ABCC9: variants seen among roughly 807,000 people sequenced by gnomAD.
ABCC9 encodes ATP-binding cassette sub-family C member 9.
Under a neutral mutation model 188.3 loss-of-function variants are expected in ABCC9, and 95 were observed. That is an observed-to-expected ratio of 0.50 (90% CI 0.43 to 0.60). The LOEUF (loss-of-function observed/expected upper bound fraction) is 0.60. Ranked by LOEUF, ABCC9 falls within the 20% of genes least tolerant of loss-of-function variation. The pLI, the probability that ABCC9 is intolerant of heterozygous loss-of-function variation, is 0.00. For missense variants in ABCC9, 1,102 were observed against 1,876.3 expected (o/e 0.59, Z 7.62); for synonymous variants, 659 against 652.7 (o/e 1.01, Z -0.15).
intron 22 of ABCC9, among the ~76,000 whole-genome samples, chr12:21,854,285 CTATT>C (rs1260098117): frequency 6.6e-5 from 10 of 152,152 alleles, no homozygotes; most frequent in Non-Finnish European, 1.3e-4. Flanking sequence ...AACTTTCCAT[CTATT>C]TGTCTGCATA....
At position 21,875,727 on chromosome 12, in the gene ABCC9, C is replaced by G; in HGVS notation, c.2020-1G>C. ...CCCATGAAAAGTATCCATTTGTGAC[C>G]TACAAAATAAAAATACAGAAATTAA... On this transcript the variant is annotated splice_acceptor_variant, in intron 16 of 39. Transcript: ENST00000261200. LOFTEE classifies it high-confidence loss of function. 1 of 1,604,150 alleles carries G rather than the reference C, an allele frequency of 6.2e-7. No homozygotes were observed. The highest frequency in any genetic ancestry group is 2.2e-5 in the East Asian group (1 of 44,790).
At chr12:21,812,793 A>G (rs1942341113) in intron 35 of ABCC9, among the ~76,000 whole-genome samples, 1 of 152,132 alleles carries the variant, frequency 6.6e-6, no homozygotes, top group Non-Finnish European at 1.5e-5. Flanking sequence ...GCACATGTAT[A>G]CCTATGTAAC....
chr12:21,810,648 C>A (rs1350022086), intron 36 of ABCC9, among the ~76,000 whole-genome samples: 4 of 152,108 alleles, frequency 2.6e-5, no homozygotes, highest in Non-Finnish European at 5.9e-5. Context: ...CCCCATGATT[C>A]AATTACCTCC....
chr12:21,932,215 T>C (rs1041972550), intron 4 of ABCC9, among the ~76,000 whole-genome samples: 1 of 152,116 alleles, frequency 6.6e-6, no homozygotes. Flanking sequence ...TTCAAGTTTA[T>C]AAATATAATT....
At chr12:21,869,526 C>T (rs540543165) in intron 18 of ABCC9, 1 of 152,264 alleles carries the variant, frequency 6.6e-6, no homozygotes, top group East Asian at 1.9e-4. Context: ...TCCCACTGAA[C>T]TTAGAACAAA....
intron 25 of ABCC9, among the ~76,000 whole-genome samples, chr12:21,847,250 T>C (rs1234792149): frequency 6.6e-6 from 1 of 152,168 alleles, no homozygotes; most frequent in African/African-American, 2.4e-5. Context: ...TCCACTCTTA[T>C]AGCCCATTAG....
intron 5 of ABCC9, among the ~76,000 whole-genome samples, chr12:21,922,750 T>G (rs78936955): frequency 7.7e-6 from 1 of 130,672 alleles, no homozygotes; most frequent in Admixed American, 7.5e-5. Context: ...TTTTTTTTTT[T>G]CTTTTTTTTT....
chr12:21,895,168 G>A (rs1947341058), intron 13 of ABCC9, 107 bp downstream of exon 13: 18 of 967,938 alleles, frequency 1.9e-5, no homozygotes, highest in Non-Finnish European at 2.9e-5. Flanking sequence ...ATAGAGAGAA[G>A]TCACAGAGGT....
chr12:21,886,017 A>G (rs1023788237), intron 15 of ABCC9, among the ~76,000 whole-genome samples: 8 of 152,146 alleles, frequency 5.3e-5, no homozygotes, highest in South Asian at 4.2e-4. Flanking sequence ...AACAATTATA[A>G]CTAACATTAA....
Position 21,883,473 on chromosome 12 carries a change from G to A in ABCC9, c.1912-600C>T, listed in dbSNP as rs558483841. 2.8e-3 allele frequency among the ~76,000 whole-genome samples: 428 copies of A among 152,246 alleles called. 1 individual carries two copies. Among genetic ancestry groups the A allele is most frequent in the Non-Finnish European group, 3.5e-3 (237 of 68,008 alleles). On this transcript the variant is annotated intron_variant, in intron 15 of 39. Transcript: ENST00000261200. ...CTTTGCCTTCCACCATGTTTGTGAG[G>A]CCTCCCCAGCCATGTGGAACTGTGA... is the stretch of plus-strand genomic sequence containing the variant.
Position 21,821,949 on chromosome 12 carries a change from C to T in ABCC9, c.3670-3698G>A, listed in dbSNP as rs73253088. Among the ~76,000 whole-genome samples, 298 of 152,100 alleles carry T rather than the reference C, an allele frequency of 2.0e-3. 1 individual carries two copies. Among genetic ancestry groups the T allele is most frequent in the Non-Finnish European group, 3.5e-3 (241 of 67,988 alleles). On this transcript the variant is annotated intron_variant, in intron 31 of 39. Coordinates refer to ENST00000261200, the MANE Select transcript of ABCC9 (RefSeq NM_020297.4). ...ACTTGTATAATTTTCAATATGATCA[C>T]TAGATATTATTAGTTATTAGGCCAG...
chr12:21,884,264 G>C (rs1472305923), intron 15 of ABCC9, among the ~76,000 whole-genome samples: 1 of 151,922 alleles, frequency 6.6e-6, no homozygotes, highest in East Asian at 1.9e-4. Context: ...TGTAGAGACA[G>C]GTTCTGCCTA....
intron 5 of ABCC9, chr12:21,924,022 A>G (rs1948947680): frequency 2.2e-6 from 1 of 459,650 alleles, no homozygotes; most frequent in East Asian, 3.3e-5. Flanking sequence ...ATACTGTGTC[A>G]TTCAATTTAC....
At chr12:21,925,836 C>A in intron 5 of ABCC9, 106 bp downstream of exon 5, 1 of 1,239,662 alleles carries the variant, frequency 8.1e-7, no homozygotes, top group Non-Finnish European at 1.2e-6. Context: ...CTTTCTACTC[C>A]CCACACACTC....
chr12:21,915,801 T>G lies in ABCC9; in HGVS notation c.683A>C (p.Tyr228Ser), dbSNP rs200336305. ...PFVNLLSKATYWWMNTLIISA... is the reference protein window; with the variant it reads ...PFVNLLSKATSWWMNTLIISA... Reference sequence around the variant, plus strand: ...TATAATAAGTGTGTTCATCCACCAGTATGTTGCTTTTGACAGCAAATTCAC... The same window carrying G: ...TATAATAAGTGTGTTCATCCACCAGGATGTTGCTTTTGACAGCAAATTCAC... Residue 228 changes from tyrosine to serine, a missense_variant, in exon 7 of 40, where the codon TAC (tyrosine) becomes TCC (serine). Tyr to Ser is a moderately radical substitution (Grantham distance 144). This residue lies in a region of ABCC9 where 305 missense variants were observed against 573.0 expected (regional missense o/e 0.53). Transcript: ENST00000261200. 6.2e-7 allele frequency: 1 copy of G among 1,613,606 alleles called. No homozygotes were observed. Among genetic ancestry groups the G allele is most frequent in the East Asian group, 2.2e-5 (1 of 44,808 alleles).
At chr12:21,872,517 G>C in intron 18 of ABCC9, 108 bp downstream of exon 18, 1 of 857,898 alleles carries the variant, frequency 1.2e-6, no homozygotes, top group Non-Finnish European at 2.0e-6. Flanking sequence ...GCTTATTTCT[G>C]CGTGGTCTTC....
At chr12:21,925,181 C>G (rs535321639) in intron 5 of ABCC9, 1 of 229,164 alleles carries the variant, frequency 4.4e-6, no homozygotes, top group African/African-American at 2.3e-5. Context: ...TTGTTCCATA[C>G]CTTTATCTCT....
intron 4 of ABCC9, among the ~76,000 whole-genome samples, chr12:21,932,849 C>G (rs1198780994): frequency 6.6e-6 from 1 of 151,726 alleles, no homozygotes; most frequent in Non-Finnish European, 1.5e-5. Flanking sequence ...GACCAAAAAA[C>G]AGAAATACCA....
In ABCC9 at chr12:21,818,492, A is replaced by C. The variant is rs1688482; in HGVS notation, c.3670-241T>G. Among the ~76,000 whole-genome samples the C allele has an allele frequency of 3.2e-4, 46 of 145,686 alleles. No individual in the cohort carries two copies. The East Asian group carries it at 8.5e-3, about 27-fold the overall frequency. On this transcript the variant is annotated intron_variant, in intron 31 of 39. Transcript: ENST00000261200. ...TATCTATATCTATATCTATCTATAT[A>C]TATATCTATATATAACTATATAGAT...
Sources: allele counts gnomAD v4.1 joint callset (sites outside exome capture counted in the v4.1 genomes callset), GRCh38; gene constraint gnomAD v4.1.1; regional missense constraint gnomAD v4.1.1; transcripts MANE v1.5; gene names NCBI Gene and HGNC (gene_info 2026-07-23, HGNC 2026-07-21).